Variants in PXYLP1 observed in about 807,000 individuals in gnomAD.
PXYLP1 encodes the protein acid phosphatase-like 2.
A neutral mutation model predicts 37.9 loss-of-function variants in PXYLP1; 17 were observed. That is an observed-to-expected ratio of 0.45 (90% CI 0.31 to 0.67). PXYLP1 has a LOEUF of 0.67. Among genes scored for constraint, PXYLP1 ranks in the 30% least tolerant of loss-of-function variants. The pLI is 0.07. For missense variants in PXYLP1, 511 were observed against 612.0 expected, an observed-to-expected ratio of 0.84 and a Z score of 1.74; for synonymous variants, 221 against 232.2, an observed-to-expected ratio of 0.95 and a Z score of 0.44.
intron 1 of PXYLP1, chr3:141,234,857 T>G (rs1364852703): frequency 6.6e-6 from 1 of 152,262 alleles, no homozygotes; most frequent in Non-Finnish European, 1.5e-5. Context: ...CGAACTTATC[T>G]TTCTTACCCA....
intron 2 of PXYLP1, among the ~76,000 whole-genome samples, chr3:141,266,211 A>G (rs912936753): frequency 6.6e-6 from 1 of 152,104 alleles, no homozygotes; most frequent in African/African-American, 2.4e-5. Context: ...TAGATTTTTT[A>G]ATTTATTTAC....
chr3:141,268,443 A>T (rs1941585299), intron 2 of PXYLP1, among the ~76,000 whole-genome samples: 1 of 152,136 alleles, frequency 6.6e-6, no homozygotes, highest in Non-Finnish European at 1.5e-5. Flanking sequence ...TGGCAGGCAG[A>T]GTGTGCGCCT....
chr3:141,256,512 G>GCACGTATACATACACACACACA (rs1941265620), intron 1 of PXYLP1, among the ~76,000 whole-genome samples: 1 of 152,136 alleles, frequency 6.6e-6, no homozygotes, highest in Non-Finnish European at 1.5e-5. Context: ...ACAGGCACGT[G>GCACGTATACATACACACACACA]CACGTATACA....
chr3:141,244,361 T>G (rs931383385), intron 1 of PXYLP1, among the ~76,000 whole-genome samples: 1 of 139,092 alleles, frequency 7.2e-6, no homozygotes, highest in South Asian at 2.1e-4. Flanking sequence ...CTGTCATTAC[T>G]CACCTTTTTT....
chr3:141,281,312 G>A (rs746491734), intron 4 of PXYLP1, among the ~76,000 whole-genome samples: 6 of 152,158 alleles, frequency 3.9e-5, no homozygotes, highest in South Asian at 4.1e-4. Context: ...CAGGGGGCCC[G>A]AGGCTGAAAG....
intron 2 of PXYLP1, among the ~76,000 whole-genome samples, chr3:141,269,856 G>T (rs745921931): frequency 1.3e-5 from 2 of 152,364 alleles, no homozygotes; most frequent in Middle Eastern, 3.4e-3. Flanking sequence ...CAATGGCCCT[G>T]TTAGGGTAAG....
intron 4 of PXYLP1, among the ~76,000 whole-genome samples, chr3:141,284,936 G>A (rs765282790): frequency 6.6e-6 from 1 of 151,952 alleles, no homozygotes; most frequent in Non-Finnish European, 1.5e-5. Context: ...TCCAAGGATG[G>A]GACACTTCAC....
At chr3:141,242,585 G>C (rs982715668) in intron 1 of PXYLP1, among the ~76,000 whole-genome samples, 1 of 152,208 alleles carries the variant, frequency 6.6e-6, no homozygotes, top group Non-Finnish European at 1.5e-5. Flanking sequence ...GTGCTGGGGG[G>C]TGGGGTACAG....
In PXYLP1 at chr3:141,292,708, G is replaced by A. The variant is rs1248609851; in HGVS notation, c.946G>A (p.Val316Ile). ...VSFPCTRNGC[V>I]DMEHFKVIKT... ...CTTTCCCTGTACCAGAAATGGCTGT[G>A]TTGACATGGAGCACTTCAAGGTAAT... Residue 316 changes from valine (V) to isoleucine (I), a missense_variant, in exon 6 of 6, where the codon GTT becomes ATT. Val to Ile is a conservative substitution (Grantham distance 29). Transcript: ENST00000286353. The surrounding 1 kb of genome is among the most constrained non-coding windows in gnomAD (Gnocchi z 4.3). 3 of 1,614,092 alleles carry A rather than the reference G, an allele frequency of 1.9e-6. No homozygotes were observed. Among genetic ancestry groups the A allele is most frequent in the African/African-American group, 1.3e-5 (1 of 75,040 alleles).
chr3:141,232,359 C>G (rs1479760619), intron 1 of PXYLP1: 3 of 152,430 alleles, frequency 2.0e-5, no homozygotes, highest in Non-Finnish European at 4.4e-5. Context: ...CCCCGCACTC[C>G]CGCCGCTGGA....
intron 1 of PXYLP1, among the ~76,000 whole-genome samples, chr3:141,246,151 G>T (rs1465189943): frequency 6.6e-6 from 1 of 152,128 alleles, no homozygotes; most frequent in Non-Finnish European, 1.5e-5. Flanking sequence ...GCAGTTAGAG[G>T]TCAATTCCAG....
intron 4 of PXYLP1, among the ~76,000 whole-genome samples, chr3:141,281,727 G>T (rs1410444122): frequency 6.6e-6 from 1 of 152,210 alleles, no homozygotes; most frequent in East Asian, 1.9e-4. Flanking sequence ...GCAGGAGCAA[G>T]TCAGGCAGAA....
Position 141,279,475 on chromosome 3 carries a change from A to G in PXYLP1, c.336A>G (p.Pro112=). ...PLYVIPKTKR[P]EIDCTLVANR... ...ATGTCATTCCCAAAACAAAGCGACC[A>G]GAAATTGACTGCACTCTGGTGGCTA... The change falls in exon 4 of 6, where the codon CCA becomes CCG. Residue 112 remains proline, a synonymous_variant. Transcript: ENST00000286353. 5 of 1,614,276 alleles carry G rather than the reference A, an allele frequency of 3.1e-6. No homozygotes were observed. Among genetic ancestry groups the G allele is most frequent in the Non-Finnish European group, 4.2e-6 (5 of 1,180,050 alleles).
At chr3:141,271,661 G>C (rs1214020327) in intron 2 of PXYLP1, among the ~76,000 whole-genome samples, 1 of 152,204 alleles carries the variant, frequency 6.6e-6, no homozygotes, top group Non-Finnish European at 1.5e-5. Flanking sequence ...ATCAGAAGAA[G>C]GCTGACAGCC....
At chr3:141,253,342 C>T (rs1323793331) in intron 1 of PXYLP1, among the ~76,000 whole-genome samples, 2 of 152,216 alleles carry the variant, frequency 1.3e-5, no homozygotes, top group Non-Finnish European at 1.5e-5. Context: ...CTCTGGGCAG[C>T]TGGCTTTCCC....
chr3:141,236,453 T>C (rs1249689860), intron 1 of PXYLP1: 2 of 152,220 alleles, frequency 1.3e-5, no homozygotes, highest in African/African-American at 4.8e-5. Context: ...TGTTTGTGGT[T>C]ACAGCCATCA....
intron 4 of PXYLP1, among the ~76,000 whole-genome samples, chr3:141,280,464 C>T (rs1941924113): frequency 6.6e-6 from 1 of 152,242 alleles, no homozygotes; most frequent in African/African-American, 2.4e-5. Context: ...GCTGCCTCTG[C>T]CCTCATTTTC....
At chr3:141,244,365 CT>C (rs11311791) in intron 1 of PXYLP1, among the ~76,000 whole-genome samples, 35,365 of 148,030 alleles carry the variant, frequency 0.24, 5,269 homozygotes, top group African/African-American at 0.43. Context: ...CATTACTCAC[CT>C]TTTTTTTTTG....
intron 1 of PXYLP1, among the ~76,000 whole-genome samples, chr3:141,243,708 G>A (rs9831004): frequency 0.061 from 9,288 of 152,228 alleles, 469 homozygotes; most frequent in Admixed American, 0.13. Context: ...CTCTGGGTTC[G>A]GCAGGTGGAT....
Sources: gnomAD v4.1 joint callset for allele counts (sites outside exome capture counted in the v4.1 genomes callset) on GRCh38, gnomAD v4.1.1 for gene constraint, Gnocchi (gnomAD v3.1) non-coding constraint, MANE v1.5 for transcripts, NCBI Gene and HGNC (gene_info 2026-07-23, HGNC 2026-07-21) for gene names.